The following IL1RAPL1 variants were observed in gnomAD, a reference collection of about 807,000 sequenced individuals.
IL1RAPL1 encodes interleukin-1 receptor accessory protein-like 1.
In IL1RAPL1, 3 loss-of-function variants were observed where a neutral mutation model predicts 48.4. The observed-to-expected ratio is 0.06, with a 90% CI of 0.03 to 0.16. IL1RAPL1 has a LOEUF of 0.16. Among genes scored for constraint, IL1RAPL1 ranks in the 10% least tolerant of loss-of-function variants. IL1RAPL1 has a pLI of 1.00. For missense variants in IL1RAPL1, 349 were observed against 530.6 expected (o/e 0.66, Z 3.36); for synonymous variants, 185 against 187.7 (o/e 0.99, Z 0.12).
At chrX:29,285,494 T>C (rs1429490706) in intron 3 of IL1RAPL1, among the ~76,000 whole-genome samples, 2 of 80,351 alleles carry the variant, frequency 2.5e-5, no homozygotes, top group African/African-American at 1.0e-4. Flanking sequence ...ATCGCGCCAT[T>C]GCACTGGCAA....
At chrX:29,152,672 A>G (rs771685636) in intron 2 of IL1RAPL1, among the ~76,000 whole-genome samples, 11 of 112,454 alleles carry the variant, frequency 9.8e-5, no homozygotes, top group African/African-American at 2.9e-4. Context: ...TTGTCTGAAA[A>G]TGTAACAGCC....
At chrX:28,897,877 C>G in intron 2 of IL1RAPL1, among the ~76,000 whole-genome samples, 1 of 110,897 alleles carries the variant, frequency 9.0e-6, no homozygotes, top group South Asian at 3.9e-4. Flanking sequence ...AAATTACAGT[C>G]AAAGGGGAGT....
At chrX:28,957,831 C>T (rs892365498) in intron 2 of IL1RAPL1, among the ~76,000 whole-genome samples, 11 of 108,797 alleles carry the variant, frequency 1.0e-4, no homozygotes, top group South Asian at 4.1e-4. Context: ...TGGTGGTGGG[C>T]GCCTGTAATC....
At chrX:28,733,823 A>G (rs1935785886) in intron 1 of IL1RAPL1, among the ~76,000 whole-genome samples, 1 of 111,472 alleles carries the variant, frequency 9.0e-6, no homozygotes, top group Admixed American at 9.6e-5. Context: ...CCCAAATTCC[A>G]GATTCGTACA....
intron 1 of IL1RAPL1, among the ~76,000 whole-genome samples, chrX:28,766,679 C>G (rs756428527): frequency 2.9e-4 from 32 of 110,608 alleles, no homozygotes; most frequent in Non-Finnish European, 5.9e-4. Context: ...CTCCTCTCCT[C>G]CCGCATCCCC....
At chrX:29,129,526 CTT>C (rs769609051) in intron 2 of IL1RAPL1, among the ~76,000 whole-genome samples, 1 of 105,747 alleles carries the variant, frequency 9.5e-6, no homozygotes, top group Non-Finnish European at 1.9e-5. Context: ...TTAATCTTCT[CTT>C]TGTATTTTTT....
intron 8 of IL1RAPL1, among the ~76,000 whole-genome samples, chrX:29,922,219 T>G (rs1338311563): frequency 1.8e-5 from 2 of 111,329 alleles, no homozygotes; most frequent in Non-Finnish European, 3.8e-5. Context: ...TGCCCAAAGC[T>G]ATGAAACCTT....
intron 5 of IL1RAPL1, among the ~76,000 whole-genome samples, chrX:29,647,323 T>TG (rs1925363114): frequency 1.0e-5 from 1 of 100,003 alleles, no homozygotes; most frequent in Non-Finnish European, 2.0e-5. Flanking sequence ...CACTCCAGCC[T>TG]GGTGACAGAG....
chrX:28,786,426 C>T (rs780448199), intron 1 of IL1RAPL1, among the ~76,000 whole-genome samples: 1 of 111,469 alleles, frequency 9.0e-6, no homozygotes, highest in East Asian at 2.8e-4. Flanking sequence ...GATCGCGCCA[C>T]TGCACTCCAG....
At chrX:28,656,529 C>A (rs914605075) in intron 1 of IL1RAPL1, among the ~76,000 whole-genome samples, 24 of 110,898 alleles carry the variant, frequency 2.2e-4, no homozygotes, top group African/African-American at 7.2e-4. Flanking sequence ...GTCATAAAGC[C>A]CCATCCTTGT....
At chrX:29,269,107 C>T (rs1932000836) in intron 2 of IL1RAPL1, among the ~76,000 whole-genome samples, 1 of 112,211 alleles carries the variant, frequency 8.9e-6, no homozygotes, top group African/African-American at 3.2e-5. Flanking sequence ...CATACAAAAA[C>T]ATACTTTCAC....
chrX:29,316,094 G>A (rs1932769500), intron 3 of IL1RAPL1, among the ~76,000 whole-genome samples: 1 of 112,213 alleles, frequency 8.9e-6, no homozygotes, highest in African/African-American at 3.2e-5. Flanking sequence ...GCACAACTGT[G>A]TGGTGCCTCA....
At chrX:28,772,546 T>A (rs1936321259) in intron 1 of IL1RAPL1, among the ~76,000 whole-genome samples, 1 of 111,821 alleles carries the variant, frequency 8.9e-6, no homozygotes, top group Admixed American at 9.5e-5. Context: ...CCCATCATGC[T>A]GTAAAACATT....
rs189365788 is a variant in IL1RAPL1 at position 28,759,169 on chromosome X, C to T, written c.-24-30151C>T. 1.9e-3 allele frequency among the ~76,000 whole-genome samples: 212 copies of T among 109,879 alleles called. 1 individual carries two copies. The highest frequency in any genetic ancestry group is 4.8e-3 in the Middle Eastern group (1 of 210). Reference sequence around the variant, plus strand: ...AGGAGAATCGCTTGATCCCGGGAGGCGGAAGTTGCAGTGAGGTGAGATCAC... The same window carrying T: ...AGGAGAATCGCTTGATCCCGGGAGGTGGAAGTTGCAGTGAGGTGAGATCAC... On this transcript the variant is annotated intron_variant, in intron 1 of 10. Transcript: ENST00000378993.
At chrX:29,187,256 T>C (rs993881201) in intron 2 of IL1RAPL1, among the ~76,000 whole-genome samples, 1 of 112,132 alleles carries the variant, frequency 8.9e-6, no homozygotes, top group Non-Finnish European at 1.9e-5. Flanking sequence ...GAATATTTTA[T>C]GAAAACATTT....
chrX:29,642,532 G>T (rs1486083262), intron 5 of IL1RAPL1, among the ~76,000 whole-genome samples: 3 of 112,372 alleles, frequency 2.7e-5, no homozygotes, highest in Non-Finnish European at 5.6e-5. Context: ...ATCCAAACCT[G>T]ATTAGCAATT....
At chrX:29,339,108 A>ACACACG (rs1257768712) in intron 3 of IL1RAPL1, among the ~76,000 whole-genome samples, 3 of 109,787 alleles carry the variant, frequency 2.7e-5, no homozygotes, top group African/African-American at 1.0e-4. Flanking sequence ...ACACACACAC[A>ACACACG]CACACGCACA....
intron 1 of IL1RAPL1, among the ~76,000 whole-genome samples, chrX:28,598,187 G>T (rs1933978585): frequency 8.9e-6 from 1 of 112,080 alleles, no homozygotes; most frequent in African/African-American, 3.2e-5. Flanking sequence ...AAGATAATAG[G>T]ATTTATTTCT....
chrX:29,692,217 T>C (rs938996437), intron 6 of IL1RAPL1, among the ~76,000 whole-genome samples: 3 of 112,345 alleles, frequency 2.7e-5, no homozygotes, highest in Non-Finnish European at 5.6e-5. Flanking sequence ...CATGCTGTAC[T>C]AAGAACGCAT....
Sources: allele counts gnomAD v4.1 joint callset (sites outside exome capture counted in the v4.1 genomes callset), GRCh38; gene constraint gnomAD v4.1.1; transcripts MANE v1.5; gene names NCBI Gene and HGNC (gene_info 2026-07-23, HGNC 2026-07-21).